DST: variants seen among roughly 807,000 people sequenced by gnomAD.
DST encodes dystonin, also known as bullous pemphigoid antigen.
In DST, 253 loss-of-function variants were observed where a neutral mutation model predicts 875.2. The ratio of observed to expected loss-of-function variants is 0.29; its 90% CI spans 0.26 to 0.32. The LOEUF (loss-of-function observed/expected upper bound fraction) is 0.32. Ranked by LOEUF, DST falls within the 10% of genes least tolerant of loss-of-function variation. The pLI, the probability that DST is intolerant of heterozygous loss-of-function variation, is 1.00. For missense variants in DST, 8,287 were observed against 9,111.6 expected, an observed-to-expected ratio of 0.91 and a Z score of 3.68; for synonymous variants, 3,124 against 3,197.1, an observed-to-expected ratio of 0.98 and a Z score of 0.77.
chr6:56,887,345 T>C (rs1197225470), intron 3 of DST, among the ~76,000 whole-genome samples: 3 of 152,176 alleles, frequency 2.0e-5, no homozygotes, highest in Non-Finnish European at 4.4e-5. Context: ...TTGTAAGGCA[T>C]GGGATTTAGG....
chr6:56,576,386 G>T lies in DST; in HGVS notation c.13027+2428C>A, dbSNP rs545766118. On this transcript the variant is annotated intron_variant, in intron 50 of 103. Coordinates refer to ENST00000680361, the MANE Select transcript of DST (RefSeq NM_001374736.1). Reference sequence around the variant, plus strand: ...GTCATGGGAATCCTAATTTATAGCTGATCAGTCTGAAATACGGATCACAAT... The same window carrying T: ...GTCATGGGAATCCTAATTTATAGCTTATCAGTCTGAAATACGGATCACAAT... Among the ~76,000 whole-genome samples, 32 of 152,262 alleles carry T rather than the reference G, an allele frequency of 2.1e-4. No homozygotes were observed. In the South Asian group the frequency reaches 2.5e-3, roughly 12 times the overall value.
intron 22 of DST, among the ~76,000 whole-genome samples, chr6:56,638,056 T>C (rs1044850856): frequency 6.6e-6 from 1 of 152,152 alleles, no homozygotes; most frequent in Admixed American, 6.5e-5. Flanking sequence ...GACAGGCCGA[T>C]GGGATCATAA....
chr6:56,749,571 A>G (rs1342117968), intron 4 of DST, among the ~76,000 whole-genome samples: 1 of 152,202 alleles, frequency 6.6e-6, no homozygotes, highest in Non-Finnish European at 1.5e-5. Flanking sequence ...CATGAAAAAA[A>G]GTGATCTAGA....
At chr6:56,582,995 T>C (rs893130347) in intron 49 of DST, among the ~76,000 whole-genome samples, 7 of 152,200 alleles carry the variant, frequency 4.6e-5, no homozygotes, top group Non-Finnish European at 7.4e-5. Flanking sequence ...CAGTCTATCA[T>C]TGTTGGACAT....
intron 101 of DST, 144 bp from the exon 102 acceptor site, chr6:56,463,300 T>A (rs923949239): frequency 3.2e-6 from 2 of 622,468 alleles, no homozygotes; most frequent in Middle Eastern, 3.6e-4. Context: ...TGGCAAATCA[T>A]ACACACCAAA....
chr6:56,620,851 G>A, intron 36 of DST: 1 of 784,758 alleles, frequency 1.3e-6, no homozygotes, highest in Non-Finnish European at 2.2e-6. Flanking sequence ...ACCACCAGCA[G>A]CATCACCTTC....
Position 56,592,010 on chromosome 6 carries a change from A to G in DST, c.12903+172T>C, listed in dbSNP as rs560458350. Among the ~76,000 whole-genome samples, 11 of 151,406 alleles carry G rather than the reference A, an allele frequency of 7.3e-5. No homozygotes were observed. The East Asian group carries it at 2.1e-3, about 29-fold the overall frequency. ...AAAAAAAAAAAAAAAAAAATTCGGA[A>G]AAAAAAAGAATGTACTGTGGAGAAA... On this transcript the variant is annotated intron_variant, in intron 49 of 103. Transcript: ENST00000680361.
chr6:56,902,055 T>C (rs998719460), intron 2 of DST, among the ~76,000 whole-genome samples: 3 of 152,182 alleles, frequency 2.0e-5, no homozygotes, highest in African/African-American at 7.2e-5. Flanking sequence ...GTTGAGTGGG[T>C]GGCATTTGAA....
intron 4 of DST, among the ~76,000 whole-genome samples, chr6:56,811,182 T>TC (rs1561955704): frequency 5.6e-5 from 3 of 53,356 alleles, no homozygotes; most frequent in East Asian, 8.0e-4. Context: ...AGACCCTGTC[T>TC]CAAAAAAAAA....
Position 56,473,794 on chromosome 6 carries a change from C to A in DST, c.21994+79G>T, listed in dbSNP as rs1006308529. On this transcript the variant is annotated intron_variant, in intron 93 of 103. Coordinates refer to ENST00000680361, the MANE Select transcript of DST (RefSeq NM_001374736.1). ...CTCATGTAAAATCACCAATTGCCCC[C>A]AAATTTCAAATAATTCAAAATAAAA... 5.5e-6 allele frequency: 8 copies of A among 1,442,768 alleles called. No homozygotes were observed. In the African/African-American group the frequency reaches 1.1e-4, roughly 21 times the overall value. 89.4% of individuals were successfully genotyped at this position (1,442,768 alleles called of 1,614,324 possible).
At chr6:56,486,302 G>A (rs1023190390) in intron 87 of DST, among the ~76,000 whole-genome samples, 15 of 142,550 alleles carry the variant, frequency 1.1e-4, no homozygotes, top group African/African-American at 1.6e-4. Context: ...GGCAGAGCTC[G>A]CAGTGAGCCG....
At chr6:56,569,233 G>A (rs1326998450) in intron 54 of DST, among the ~76,000 whole-genome samples, 6 of 150,680 alleles carry the variant, frequency 4.0e-5, no homozygotes, top group Non-Finnish European at 8.8e-5. Context: ...GCTGAGGCAG[G>A]AGAATGGCGT....
At position 56,552,476 on chromosome 6, in the gene DST, T is replaced by C. The variant is rs765767955; in HGVS notation, c.16316A>G (p.Asn5439Ser). Residue 5439 changes from asparagine (N) to serine (S), a missense_variant, in exon 61 of 104, where the codon AAT (asparagine) becomes AGT (serine). Transcript: ENST00000680361. ...LKKLEALMAS[N>S]DNANKTCKMM... ...CTTGCAGGTTTTATTGGCATTGTCA[T>C]TGCTTGCCATGAGGGCTTCTAGTTT... is the stretch of plus-strand genomic sequence containing the variant. 4 of 1,613,886 alleles carry C rather than the reference T, an allele frequency of 2.5e-6. No homozygotes were observed. In the South Asian group the frequency reaches 4.4e-5, roughly 18 times the overall value.
In DST at chr6:56,853,436, A is replaced by T. The variant is rs1420871895; in HGVS notation, c.418-1832T>A. 2.6e-5 allele frequency among the ~76,000 whole-genome samples: 4 copies of T among 152,172 alleles called. No homozygotes were observed. In the South Asian group the frequency reaches 6.2e-4, roughly 24 times the overall value. On this transcript the variant is annotated intron_variant, in intron 3 of 103. Transcript: ENST00000680361. ...TTGGCTGGCTCTGCATAAAAGGGTG[A>T]CATTCTTAAAGACTTTTAAGAGGGT...
intron 90 of DST, among the ~76,000 whole-genome samples, chr6:56,479,131 AAAG>A (rs1451091533): frequency 2.0e-5 from 3 of 152,240 alleles, no homozygotes; most frequent in African/African-American, 7.2e-5. Context: ...ACATTTCTCA[AAAG>A]AAGAAATACA....
intron 10 of DST, among the ~76,000 whole-genome samples, chr6:56,662,034 G>T (rs1588046286): frequency 6.6e-6 from 1 of 151,876 alleles, no homozygotes; most frequent in Non-Finnish European, 1.5e-5. Flanking sequence ...TTTCATCACG[G>T]GCACATCTTT....
At chr6:56,771,263 T>C (rs1229649864) in intron 4 of DST, among the ~76,000 whole-genome samples, 1 of 152,064 alleles carries the variant, frequency 6.6e-6, no homozygotes, top group Non-Finnish European at 1.5e-5. Flanking sequence ...ACCTTAGAAA[T>C]CTGAGTATTA....
chr6:56,541,187 G>C (rs566549342), intron 61 of DST: 2 of 152,562 alleles, frequency 1.3e-5, no homozygotes, highest in Non-Finnish European at 1.5e-5. Context: ...TTTCTTTTCC[G>C]CATGAGATTT....
chr6:56,889,507 A>C (rs1277843998), intron 3 of DST, among the ~76,000 whole-genome samples: 2 of 152,210 alleles, frequency 1.3e-5, no homozygotes, highest in Non-Finnish European at 2.9e-5. Flanking sequence ...GCCAGCAGGG[A>C]GAACAAGCTG....
Sources: allele counts gnomAD v4.1 joint callset (sites outside exome capture counted in the v4.1 genomes callset), GRCh38; gene constraint gnomAD v4.1.1; transcripts MANE v1.5; gene names NCBI Gene and HGNC (gene_info 2026-07-23, HGNC 2026-07-21).